The following RUNX1T1 variants were observed in gnomAD, a reference collection of about 807,000 sequenced individuals.
RUNX1T1 encodes protein CBFA2T1.
In RUNX1T1, 4 loss-of-function variants were observed where a neutral mutation model predicts 62.8. That is an observed-to-expected ratio of 0.06 (90% CI 0.03 to 0.15). RUNX1T1 has a LOEUF of 0.15. RUNX1T1 is among the 10% of genes least tolerant of loss of function. The probability of loss-of-function intolerance (pLI) is 1.00; values close to 1 mark genes in which losing one functional copy is unlikely to be tolerated. For synonymous variants in RUNX1T1, 291 were observed against 286.0 expected (o/e 1.02, Z -0.18); for missense variants, 508 against 754.3 (o/e 0.67, Z 3.82).
chr8:92,023,802 T>G (rs1236659451), intron 1 of RUNX1T1, among the ~76,000 whole-genome samples: 1 of 152,162 alleles, frequency 6.6e-6, no homozygotes, highest in Non-Finnish European at 1.5e-5. Context: ...CATAACTACC[T>G]TGGGAACTAC....
chr8:92,007,967 CAAAAAAA>C (rs34232877), intron 4 of RUNX1T1, among the ~76,000 whole-genome samples: 26 of 85,394 alleles, frequency 3.0e-4, no homozygotes, highest in South Asian at 4.7e-4. Flanking sequence ...GACTTTGTTT[CAAAAAAA>C]AAAAAAAAAA....
intron 9 of RUNX1T1, among the ~76,000 whole-genome samples, chr8:91,974,425 C>T (rs1813488566): frequency 6.6e-6 from 1 of 152,072 alleles, no homozygotes; most frequent in Non-Finnish European, 1.5e-5. Flanking sequence ...TAATTTTTCT[C>T]TATGAACTAT....
In RUNX1T1 at chr8:92,023,461, C is replaced by A. The variant is rs1412839876; in HGVS notation, c.8-6098G>T. On this transcript the variant is annotated intron_variant, in intron 1 of 10. Transcript: ENST00000396218. ...AGCCTTCTTCTGTTCACATAAATTT[C>A]CATGTCCACAAGAATGTCTGCATGT... Among the ~76,000 whole-genome samples, 3 of 152,290 alleles carry A rather than the reference C, an allele frequency of 2.0e-5. No individual in the cohort carries two copies. In the East Asian group the frequency reaches 5.8e-4, roughly 29 times the overall value.
chr8:92,028,458 T>A (rs1776147855), intron 1 of RUNX1T1, among the ~76,000 whole-genome samples: 1 of 152,142 alleles, frequency 6.6e-6, no homozygotes, highest in Non-Finnish European at 1.5e-5. Context: ...CTTATTCTAA[T>A]CACCACTTCT....
rs147183493 is a variant in RUNX1T1, at chr8:92,032,735, C to T, written c.8-15372G>A. Among the ~76,000 whole-genome samples the T allele has an allele frequency of 5.9e-5, 9 of 152,150 alleles. No homozygotes were observed. In the South Asian group the frequency reaches 6.2e-4, roughly 11 times the overall value. On this transcript the variant is annotated intron_variant, in intron 1 of 10. Transcript: ENST00000396218. ...TCAAGGCTCCAGTGAGCTATGATCA[C>T]GCCACTGCCTCCAGCCTGGGTGACA... is the stretch of plus-strand genomic sequence containing the variant.
chr8:92,103,029 G>A, upstream of RUNX1T1: 2 of 771,746 alleles, frequency 2.6e-6, no homozygotes, highest in Non-Finnish European at 3.6e-6. Context: ...ACGAGACCGC[G>A]GAGTCGCGCC....
intron 1 of RUNX1T1, among the ~76,000 whole-genome samples, chr8:92,034,797 T>TATACACATATATATATACATACAC (rs1827054240): frequency 3.1e-5 from 3 of 96,850 alleles, no homozygotes; most frequent in African/African-American, 1.3e-4. Context: ...TATACATATA[T>TATACACATATATATATACATACAC]ACACACACAC....
chr8:91,999,896 G>C (rs191186263), intron 5 of RUNX1T1, among the ~76,000 whole-genome samples: 2 of 152,326 alleles, frequency 1.3e-5, no homozygotes, highest in Admixed American at 1.3e-4. Context: ...TGAGGAGTAT[G>C]CAGTAAAGTT....
At chr8:92,067,648 T>C (rs1833061853), upstream of RUNX1T1, among the ~76,000 whole-genome samples, 1 of 152,222 alleles carries the variant, frequency 6.6e-6, no homozygotes, top group South Asian at 2.1e-4. Context: ...GACTTTTAAC[T>C]CTGGTTGAAG....
chr8:91,985,160 G>A (rs1246970981), intron 8 of RUNX1T1, among the ~76,000 whole-genome samples: 1 of 152,190 alleles, frequency 6.6e-6, no homozygotes, highest in Non-Finnish European at 1.5e-5. Flanking sequence ...ACTTGAGTTA[G>A]CAGATGGGTA....
intron 1 of RUNX1T1, among the ~76,000 whole-genome samples, chr8:92,022,361 A>G (rs1395467122): frequency 1.3e-5 from 2 of 152,200 alleles, no homozygotes; most frequent in African/African-American, 4.8e-5. Flanking sequence ...CAACTAACTT[A>G]TATAGAATGA....
chr8:92,076,342 T>C (rs1834416731), intron 1 of RUNX1T1, among the ~76,000 whole-genome samples: 1 of 152,146 alleles, frequency 6.6e-6, no homozygotes, highest in African/African-American at 2.4e-5. Flanking sequence ...TAAAGGACTC[T>C]TAATTTTCCA....
rs920771779 is a variant in RUNX1T1 at position 91,970,060 on chromosome 8, A to T, written c.1458+598T>A. Reference sequence around the variant, plus strand: ...TGTGTGTGTTGTGTGTGTGTGTGTGAGAATTATTATACTGGAACAATAATA... The same window carrying T: ...TGTGTGTGTTGTGTGTGTGTGTGTGTGAATTATTATACTGGAACAATAATA... On this transcript the variant is annotated intron_variant, in intron 10 of 10. Transcript: ENST00000396218. Among the ~76,000 whole-genome samples, 7 of 79,188 alleles carry T rather than the reference A, an allele frequency of 8.8e-5. No individual in the cohort carries two copies. The South Asian group carries it at 1.2e-3, about 13-fold the overall frequency. 52.0% of individuals were successfully genotyped at this position (79,188 alleles called of 152,430 possible).
intron 8 of RUNX1T1, among the ~76,000 whole-genome samples, chr8:91,982,053 T>A (rs1450169326): frequency 1.3e-5 from 2 of 151,420 alleles, no homozygotes; most frequent in Non-Finnish European, 1.5e-5. Context: ...AAAACCAGAC[T>A]GGGCAATACG....
intron 1 of RUNX1T1, among the ~76,000 whole-genome samples, chr8:92,081,676 G>GA (rs1026190462): frequency 7.9e-4 from 112 of 142,148 alleles, no homozygotes; most frequent in Middle Eastern, 3.6e-3. Context: ...TTTCCACCTG[G>GA]AAAAAAAAAA....
chr8:92,094,978 G>A, intron 1 of RUNX1T1: 3 of 1,397,138 alleles, frequency 2.1e-6, no homozygotes, highest in Non-Finnish European at 2.9e-6. Flanking sequence ...AACCTATTCA[G>A]ACTGGCAAAA....
At chr8:92,057,099 C>T (rs1398612652) in intron 1 of RUNX1T1, among the ~76,000 whole-genome samples, 1 of 152,164 alleles carries the variant, frequency 6.6e-6, no homozygotes, top group Admixed American at 6.5e-5. Context: ...AATAGTAATA[C>T]ACAGAGAAAT....
chr8:92,072,718 C>T (rs1246692013), intron 2 of RUNX1T1, among the ~76,000 whole-genome samples: 2 of 152,210 alleles, frequency 1.3e-5, no homozygotes, highest in African/African-American at 2.4e-5. Flanking sequence ...AAGCTCAAAG[C>T]TCCATGTGGG....
chr8:92,046,777 C>T (rs920771570), intron 1 of RUNX1T1, among the ~76,000 whole-genome samples: 1 of 152,118 alleles, frequency 6.6e-6, no homozygotes, highest in African/African-American at 2.4e-5. Flanking sequence ...CAGTCAAAAC[C>T]AAGAAAGACT....
Sources: gnomAD v4.1 joint callset for allele counts (sites outside exome capture counted in the v4.1 genomes callset) on GRCh38, gnomAD v4.1.1 for gene constraint, MANE v1.5 for transcripts, NCBI Gene and HGNC (gene_info 2026-07-23, HGNC 2026-07-21) for gene names.